Variants in MDGA2 observed in about 807,000 individuals in gnomAD.
The protein encoded by MDGA2 is MAM domain containing glycosylphosphatidylinositol anchor 2.
In MDGA2, 40 loss-of-function variants were observed where a neutral mutation model predicts 117.8. The observed-to-expected ratio is 0.34, with a 90% CI of 0.26 to 0.44. MDGA2 has a LOEUF of 0.44. MDGA2 is among the 20% of genes least tolerant of loss of function. The probability of loss-of-function intolerance (pLI) is 1.00; values close to 1 mark genes in which losing one functional copy is unlikely to be tolerated. For synonymous variants in MDGA2, 452 were observed against 439.0 expected, an observed-to-expected ratio of 1.03 and a Z score of -0.37; for missense variants, 1,123 against 1,250.6, an observed-to-expected ratio of 0.90 and a Z score of 1.54.
intron 2 of MDGA2, among the ~76,000 whole-genome samples, chr14:47,228,649 G>A (rs1017821784): frequency 6.6e-6 from 1 of 152,078 alleles, no homozygotes; most frequent in African/African-American, 2.4e-5. Context: ...TTATTGGAAT[G>A]TAACCTCATT....
At chr14:46,983,045 T>C (rs1207604050) in intron 8 of MDGA2, among the ~76,000 whole-genome samples, 1 of 152,154 alleles carries the variant, frequency 6.6e-6, no homozygotes, top group East Asian at 1.9e-4. Flanking sequence ...AAAGGCCTTT[T>C]CTGCATCTAT....
intron 1 of MDGA2, among the ~76,000 whole-genome samples, chr14:47,619,928 C>T (rs1200125462): frequency 2.0e-5 from 3 of 152,174 alleles, no homozygotes; most frequent in Non-Finnish European, 4.4e-5. Context: ...TGTTGTTGTC[C>T]TCATCCCAGC....
chr14:47,437,815 A>T (rs1274621763), intron 1 of MDGA2, among the ~76,000 whole-genome samples: 1 of 152,148 alleles, frequency 6.6e-6, no homozygotes, highest in African/African-American at 2.4e-5. Context: ...AAGCATATCC[A>T]CTGTAGGAGT....
At chr14:47,329,613 TTTTC>T (rs1890237980) in intron 1 of MDGA2, among the ~76,000 whole-genome samples, 1 of 152,044 alleles carries the variant, frequency 6.6e-6, no homozygotes, top group South Asian at 2.1e-4. Context: ...TAAATTCTTT[TTTTC>T]TTTATCTTCT....
intron 1 of MDGA2, among the ~76,000 whole-genome samples, chr14:47,317,623 C>T (rs1327733656): frequency 6.6e-6 from 1 of 152,010 alleles, no homozygotes; most frequent in Non-Finnish European, 1.5e-5. Context: ...AGATCATGTT[C>T]TCCCATTAGT....
intron 1 of MDGA2, among the ~76,000 whole-genome samples, chr14:47,478,563 A>G (rs1893889908): frequency 6.6e-6 from 1 of 151,890 alleles, no homozygotes; most frequent in African/African-American, 2.4e-5. Context: ...TTTTGCAGAG[A>G]TGGGGTTTCA....
intron 7 of MDGA2, chr14:47,058,719 G>C: frequency 1.0e-6 from 1 of 985,260 alleles, no homozygotes; most frequent in Non-Finnish European, 1.2e-6. Flanking sequence ...TAAGCAAATT[G>C]GAACATCAAA....
intron 14 of MDGA2, among the ~76,000 whole-genome samples, chr14:46,857,271 G>C (rs779841536): frequency 1.1e-4 from 16 of 152,252 alleles, no homozygotes; most frequent in Middle Eastern, 3.4e-3. Context: ...ATGGCCCAAA[G>C]GGCATCCCTT....
intron 1 of MDGA2, among the ~76,000 whole-genome samples, chr14:47,586,872 T>G (rs552499008): frequency 4.5e-5 from 3 of 66,724 alleles, no homozygotes; most frequent in South Asian, 7.8e-4. Flanking sequence ...TCTTTCATCA[T>G]GAACATCTGT....
rs527443288 is a variant in MDGA2, at chr14:47,157,882, T to C, written c.596-13608A>G. ...TGTGAAGAAGTGCCTTTAACCATGA[T>C]TTTAAGTTTCTGGAGGCCTCCCCAG... is the stretch of plus-strand genomic sequence containing the variant. On this transcript the variant is annotated intron_variant, in intron 3 of 16. Transcript: ENST00000399232. Among the ~76,000 whole-genome samples the C allele has an allele frequency of 1.2e-4, 18 of 152,204 alleles. No individual in the cohort carries two copies. The Middle Eastern group carries it at 0.01, about 86-fold the overall frequency.
At chr14:47,534,708 C>T (rs187274428) in intron 1 of MDGA2, among the ~76,000 whole-genome samples, 119 of 152,312 alleles carry the variant, frequency 7.8e-4, no homozygotes, top group African/African-American at 2.8e-3. Flanking sequence ...CTAACCATAT[C>T]AGTAGCTTCA....
intron 2 of MDGA2, among the ~76,000 whole-genome samples, chr14:47,271,671 T>C (rs1443541515): frequency 6.6e-6 from 1 of 151,512 alleles, no homozygotes; most frequent in Non-Finnish European, 1.5e-5. Context: ...ACAGAGACCA[T>C]TCTTTTCTCC....
intron 5 of MDGA2, among the ~76,000 whole-genome samples, chr14:47,120,896 A>G (rs1260894473): frequency 9.9e-5 from 15 of 152,194 alleles, no homozygotes; most frequent in Admixed American, 9.2e-4. Flanking sequence ...GATGTTGTAA[A>G]TCATGCCGAG....
chr14:46,909,602 C>A lies in MDGA2; in HGVS notation c.2238+10410G>T, dbSNP rs535548287. Among the ~76,000 whole-genome samples, 5 of 152,076 alleles carry A rather than the reference C, an allele frequency of 3.3e-5. No individual in the cohort carries two copies. The South Asian group carries it at 1.0e-3, about 32-fold the overall frequency. ...CTAACATTAATGGGATACTAAGATA[C>A]CTTCTAATATGAGGCAAGGATAATC... On this transcript the variant is annotated intron_variant, in intron 10 of 16. Coordinates refer to ENST00000399232, the MANE Select transcript of MDGA2 (RefSeq NM_001113498.3).
intron 1 of MDGA2, among the ~76,000 whole-genome samples, chr14:47,658,044 A>G (rs1216007888): frequency 6.6e-6 from 1 of 152,144 alleles, no homozygotes; most frequent in African/African-American, 2.4e-5. Flanking sequence ...TGTGGCTAAG[A>G]TGTGTTGGTT....
At chr14:47,271,459 C>CAAAT (rs1215635584) in intron 2 of MDGA2, among the ~76,000 whole-genome samples, 1 of 152,074 alleles carries the variant, frequency 6.6e-6, no homozygotes, top group Non-Finnish European at 1.5e-5. Context: ...GGTTCTTTCG[C>CAAAT]AAATATTCAC....
At chr14:47,521,350 CA>C (rs1024584793) in intron 1 of MDGA2, among the ~76,000 whole-genome samples, 1 of 152,172 alleles carries the variant, frequency 6.6e-6, no homozygotes, top group African/African-American at 2.4e-5. Flanking sequence ...GCAGTTTTAA[CA>C]AGAACATTTA....
At chr14:46,974,574 C>A (rs2138348116) in intron 8 of MDGA2, among the ~76,000 whole-genome samples, 2 of 152,114 alleles carry the variant, frequency 1.3e-5, no homozygotes, top group South Asian at 4.1e-4. Flanking sequence ...GTACCCCTTG[C>A]ATATATGGTA....
At chr14:47,507,797 C>T (rs1325971475) in intron 1 of MDGA2, among the ~76,000 whole-genome samples, 1 of 151,888 alleles carries the variant, frequency 6.6e-6, no homozygotes, top group Non-Finnish European at 1.5e-5. Flanking sequence ...GAGATTATGT[C>T]AATAACTGAA....
Sources: allele counts gnomAD v4.1 joint callset (sites outside exome capture counted in the v4.1 genomes callset), GRCh38; gene constraint gnomAD v4.1.1; transcripts MANE v1.5; gene names NCBI Gene and HGNC (gene_info 2026-07-23, HGNC 2026-07-21).